The following KDM6A variants were observed in gnomAD, a reference collection of about 807,000 sequenced individuals.
KDM6A encodes the protein lysine-specific demethylase 6A.
Under a neutral mutation model 117.6 loss-of-function variants are expected in KDM6A, and 11 were observed. The ratio of observed to expected loss-of-function variants is 0.09; its 90% confidence interval spans 0.06 to 0.15. The LOEUF (loss-of-function observed/expected upper bound fraction) is 0.15, where lower values mean the gene tolerates loss of function less well. Among genes scored for constraint, KDM6A ranks in the 10% least tolerant of loss-of-function variants. The pLI is 1.00. For missense variants in KDM6A, 799 were observed against 1,077.3 expected, an observed-to-expected ratio of 0.74 and a Z score of 3.62; for synonymous variants, 384 against 396.1, an observed-to-expected ratio of 0.97 and a Z score of 0.36.
intron 2 of KDM6A, among the ~76,000 whole-genome samples, chrX:44,877,280 AG>A (rs773246414): frequency 9.0e-6 from 1 of 111,509 alleles, no homozygotes; most frequent in East Asian, 2.8e-4. Flanking sequence ...TAAAAAAATA[AG>A]GTAGTTAATA....
chrX:45,037,568 T>C (rs984258836), intron 7 of KDM6A, 87 bp from the exon 8 acceptor site: 33 of 712,203 alleles, frequency 4.6e-5, no homozygotes, highest in Non-Finnish European at 6.3e-5. Context: ...ACTGTGATAA[T>C]GTTTGATGCT....
chrX:44,911,348 G>C (rs1245615014), intron 2 of KDM6A, among the ~76,000 whole-genome samples: 3 of 109,304 alleles, frequency 2.7e-5, no homozygotes, highest in Non-Finnish European at 5.8e-5. Flanking sequence ...TCACTTCTCA[G>C]ACGGGGTGGC....
chrX:44,994,820 A>G lies in KDM6A; in HGVS notation c.385-16141A>G, dbSNP rs373985374. Among the ~76,000 whole-genome samples, 6 of 110,868 alleles carry G rather than the reference A, an allele frequency of 5.4e-5. No individual in the cohort carries two copies. The East Asian group carries it at 1.1e-3, about 21-fold the overall frequency. ...GACTGCACAGGCTAAACTAATTCTG[A>G]TTGGCTAATTTAAAGAGAGTGACGG... is the stretch of plus-strand genomic sequence containing the variant. On this transcript the variant is annotated intron_variant, in intron 4 of 29. Coordinates refer to ENST00000611820, the MANE Select transcript of KDM6A (RefSeq NM_001291415.2).
At chrX:44,942,779 C>T (rs1022230858) in intron 2 of KDM6A, among the ~76,000 whole-genome samples, 1 of 109,679 alleles carries the variant, frequency 9.1e-6, no homozygotes, top group African/African-American at 3.3e-5. Context: ...TCCTTTCTTC[C>T]GGGGGTTGGG....
At chrX:45,090,449 GA>G (rs1325047814) in intron 26 of KDM6A, among the ~76,000 whole-genome samples, 1 of 111,659 alleles carries the variant, frequency 9.0e-6, no homozygotes, top group Non-Finnish European at 1.9e-5. Flanking sequence ...CTGTATAATG[GA>G]AGTAATGAAA....
At chrX:45,057,405 A>G (rs1299909044) in intron 10 of KDM6A, among the ~76,000 whole-genome samples, 1 of 111,299 alleles carries the variant, frequency 9.0e-6, no homozygotes, top group Non-Finnish European at 1.9e-5. Context: ...TCAATTAATC[A>G]CAAAGCCTTT....
chrX:44,970,555 A>T (rs1356575391), intron 3 of KDM6A, among the ~76,000 whole-genome samples: 2 of 111,061 alleles, frequency 1.8e-5, no homozygotes, highest in African/African-American at 6.6e-5. Context: ...AAGCCAGATG[A>T]TATATATAAT....
chrX:45,021,184 TG>T (rs200937203), intron 6 of KDM6A, among the ~76,000 whole-genome samples: 12,931 of 110,579 alleles, frequency 0.12, 888 homozygotes, highest in African/African-American at 0.26. Context: ...GAAAAAAGAG[TG>T]TTCTCTGCAA....
intron 8 of KDM6A, among the ~76,000 whole-genome samples, chrX:45,050,003 G>T (rs2043761557): frequency 8.9e-6 from 1 of 112,724 alleles, no homozygotes; most frequent in Non-Finnish European, 1.9e-5. Context: ...CCAGATGAGT[G>T]TTTTGGGGGA....
intron 13 of KDM6A, 37 bp downstream of exon 13, chrX:45,060,193 T>C: frequency 8.3e-7 from 1 of 1,208,987 alleles, no homozygotes; most frequent in Non-Finnish European, 1.1e-6. Flanking sequence ...GTGCCCAGCT[T>C]TAAGGGTTCT....
chrX:45,110,180 G>A lies in KDM6A; in HGVS notation c.4263G>A (p.Leu1421=), dbSNP rs2148306758. The change falls in exon 29 of 30, where the codon TTG becomes TTA. Residue 1421 remains leucine (L), a synonymous_variant. Transcript: ENST00000611820. ...QDCARKTSGN[L]ENFVVLEQYK... The stretch of plus-strand genomic sequence containing the variant: ...GTGCACGAAAAACAAGCGGAAACTT[G>A]GAAAACTTTGTGGTGCTAGAACAGT... 3 of 1,210,923 alleles carry A rather than the reference G, an allele frequency of 2.5e-6. No homozygotes were observed. The South Asian group carries it at 5.3e-5, about 21-fold the overall frequency.
intron 2 of KDM6A, among the ~76,000 whole-genome samples, chrX:44,897,193 A>G (rs370742500): frequency 1.2e-5 from 1 of 85,734 alleles, no homozygotes; most frequent in African/African-American, 4.5e-5. Context: ...ACATAATTCT[A>G]CTGATTGGTT....
intron 2 of KDM6A, among the ~76,000 whole-genome samples, chrX:44,884,050 C>T (rs1421969340): frequency 2.1e-5 from 2 of 94,217 alleles, no homozygotes; most frequent in African/African-American, 4.2e-5. Flanking sequence ...TGTGGTGAGC[C>T]GAGATTGCAC....
rs752663249 is a variant in KDM6A, at chrX:45,083,586, A to G, written c.3567A>G (p.Lys1189=). 14 of 1,208,882 alleles carry G rather than the reference A, an allele frequency of 1.2e-5. No individual in the cohort carries two copies. Among genetic ancestry groups the G allele is most frequent in the Non-Finnish European group, 1.3e-5 (12 of 892,827 alleles). ...LGMNTVQLYM[K]VPGSRTPGHQ... Reference sequence around the variant, plus strand: ...TGAACACAGTTCAACTATACATGAAAGTTCCAGGGAGCAGAACACCAGGTA... The same window carrying G: ...TGAACACAGTTCAACTATACATGAAGGTTCCAGGGAGCAGAACACCAGGTA... The change falls in exon 24 of 30, where the codon AAA becomes AAG. Residue 1189 remains lysine (K), a synonymous_variant. Coordinates refer to ENST00000611820, the MANE Select transcript of KDM6A (RefSeq NM_001291415.2).
intron 2 of KDM6A, among the ~76,000 whole-genome samples, chrX:44,960,319 C>T (rs951975907): frequency 4.5e-5 from 5 of 111,377 alleles, no homozygotes; most frequent in African/African-American, 1.3e-4. Flanking sequence ...AGCAATGTTA[C>T]GGAGCACTTA....
At chrX:45,062,041 A>G in intron 15 of KDM6A, among the ~76,000 whole-genome samples, 2 of 110,040 alleles carry the variant, frequency 1.8e-5, no homozygotes. Context: ...CCTATCTATC[A>G]TTCCAGAGGT....
At chrX:45,025,912 G>A (rs1469941824) in intron 6 of KDM6A, among the ~76,000 whole-genome samples, 1 of 111,851 alleles carries the variant, frequency 8.9e-6, no homozygotes, top group Non-Finnish European at 1.9e-5. Context: ...GCTGATTGAA[G>A]GGGTTAATGT....
intron 2 of KDM6A, among the ~76,000 whole-genome samples, chrX:44,938,946 C>T (rs2037133743): frequency 1.8e-5 from 2 of 112,359 alleles, no homozygotes; most frequent in African/African-American, 3.2e-5. Context: ...TGTAAGTCCA[C>T]TGTTGATACC....
rs200420008 is a variant in KDM6A at position 45,037,794 on chromosome X, TG to T, written c.654+108del. The T allele has an allele frequency of 0.074, 46,514 of 631,226 alleles. 1,893 individuals carry two copies. The highest frequency in any genetic ancestry group is 0.25 in the African/African-American group (11,478 of 45,696). The allele number at this position is 631,226 out of a possible 1,213,427, so 52.0% of individuals were successfully genotyped here. Reference sequence around the variant, plus strand: ...GTGTACAGATAATTTAATGGAGTTCTGGGCGTTACTTCTTAGGTAAATTTTG... The same window carrying T: ...GTGTACAGATAATTTAATGGAGTTCTGGCGTTACTTCTTAGGTAAATTTTG... On this transcript the variant is annotated intron_variant, in intron 8 of 29. Transcript: ENST00000611820.
Sources: allele counts gnomAD v4.1 joint callset (sites outside exome capture counted in the v4.1 genomes callset), GRCh38; gene constraint gnomAD v4.1.1; transcripts MANE v1.5; gene names NCBI Gene and HGNC (gene_info 2026-07-23, HGNC 2026-07-21).